Variants in TENM2 observed in about 807,000 individuals in gnomAD.
The protein encoded by TENM2 is teneurin-2.
A neutral mutation model predicts 245.2 loss-of-function variants in TENM2; 52 were observed. That is an observed-to-expected ratio of 0.21 (90% confidence interval 0.17 to 0.27). The LOEUF (loss-of-function observed/expected upper bound fraction) is 0.27, where lower values mean the gene tolerates loss of function less well. TENM2 is among the 10% of genes least tolerant of loss of function. TENM2 has a pLI of 1.00. For missense variants in TENM2, 3,046 were observed against 3,666.8 expected (o/e 0.83, Z 4.37); for synonymous variants, 1,363 against 1,438.9 (o/e 0.95, Z 1.19).
intron 2 of TENM2, chr5:167,755,165 C>T (rs746665399): frequency 2.7e-5 from 43 of 1,598,856 alleles, no homozygotes; most frequent in Non-Finnish European, 3.5e-5. Context: ...GAGTTTTCTC[C>T]ATGGGAAGGT....
At chr5:167,890,708 C>A (rs1036097648) in intron 3 of TENM2, among the ~76,000 whole-genome samples, 1 of 152,114 alleles carries the variant, frequency 6.6e-6, no homozygotes, top group Non-Finnish European at 1.5e-5. Flanking sequence ...TTAATTTATT[C>A]ATGTATGAGA....
intron 12 of TENM2, among the ~76,000 whole-genome samples, chr5:168,158,946 C>T: frequency 7.2e-6 from 1 of 139,250 alleles, no homozygotes; most frequent in East Asian, 2.1e-4. Context: ...TACGTATATA[C>T]ATATATATAT....
the TENM2 span, among the ~76,000 whole-genome samples, chr5:166,997,400 A>G: frequency 5.6e-4 from 86 of 152,298 alleles, no homozygotes; most frequent in African/African-American, 2.0e-3. Context: ...TATGGAATAG[A>G]ATTTCCTTAT....
chr5:167,251,548 C>T, the TENM2 span, among the ~76,000 whole-genome samples: 1 of 152,172 alleles, frequency 6.6e-6, no homozygotes, highest in Non-Finnish European at 1.5e-5. Context: ...CAAGCACAAG[C>T]TAAGGCATTC....
chr5:167,675,879 T>C (rs1323797537), intron 2 of TENM2, among the ~76,000 whole-genome samples: 1 of 152,088 alleles, frequency 6.6e-6, no homozygotes, highest in Non-Finnish European at 1.5e-5. Context: ...TAAATTTATC[T>C]TCCCTCCATT....
intron 2 of TENM2, among the ~76,000 whole-genome samples, chr5:167,822,828 G>A (rs1767645812): frequency 6.6e-6 from 1 of 152,186 alleles, no homozygotes; most frequent in African/African-American, 2.4e-5. Context: ...TTAACATTTA[G>A]CATCAGTACC....
chr5:168,189,570 C>G (rs151084226), intron 13 of TENM2, among the ~76,000 whole-genome samples: 2 of 152,128 alleles, frequency 1.3e-5, no homozygotes, highest in Non-Finnish European at 2.9e-5. Context: ...GAAACTACTG[C>G]GGAAACTGCA....
intron 25 of TENM2, among the ~76,000 whole-genome samples, chr5:168,233,087 G>A (rs1371576622): frequency 6.6e-6 from 1 of 152,180 alleles, no homozygotes; most frequent in Non-Finnish European, 1.5e-5. Flanking sequence ...CAGCACTTTG[G>A]GAGGCCGAGG....
intron 5 of TENM2, among the ~76,000 whole-genome samples, chr5:168,027,576 G>A (rs375745783): frequency 3.3e-5 from 5 of 152,172 alleles, no homozygotes; most frequent in African/African-American, 1.2e-4. Flanking sequence ...TCTGGGCCAT[G>A]TGAGTGCTCA....
chr5:168,236,641 T>A (rs964423929), intron 25 of TENM2, among the ~76,000 whole-genome samples: 3 of 152,068 alleles, frequency 2.0e-5, no homozygotes, highest in African/African-American at 7.2e-5. Flanking sequence ...AAAATGGTTT[T>A]TGTTGTTGGC....
chr5:167,952,871 C>A, intron 4 of TENM2, 49 bp downstream of exon 6: 1 of 1,475,106 alleles, frequency 6.8e-7, no homozygotes, highest in Non-Finnish European at 9.3e-7. Flanking sequence ...CACCTTACCC[C>A]TGAGTCACCA....
At chr5:167,251,308 G>A in the TENM2 span, among the ~76,000 whole-genome samples, 1 of 152,098 alleles carries the variant, frequency 6.6e-6, no homozygotes, top group East Asian at 1.9e-4. Context: ...TGGAGTGAGA[G>A]CACACAGAGC....
intron 2 of TENM2, among the ~76,000 whole-genome samples, chr5:167,796,393 GCT>G (rs1765320477): frequency 1.3e-5 from 2 of 152,256 alleles, no homozygotes; most frequent in South Asian, 2.1e-4. Context: ...GCACTGACTT[GCT>G]CTCTGTTTCT....
chr5:167,744,630 T>C (rs989056390), intron 2 of TENM2, among the ~76,000 whole-genome samples: 2 of 152,180 alleles, frequency 1.3e-5, no homozygotes, highest in African/African-American at 4.8e-5. Context: ...TGACATTTTA[T>C]ATCGTTCCTT....
At chr5:167,133,124 A>G in the TENM2 span, among the ~76,000 whole-genome samples, 3 of 152,328 alleles carry the variant, frequency 2.0e-5, no homozygotes, top group South Asian at 6.2e-4. Context: ...AGAGCAGTAA[A>G]GGGGGAAGAA....
At chr5:167,322,988 A>G (rs1456616124) in intron 1 of TENM2, among the ~76,000 whole-genome samples, 1 of 152,226 alleles carries the variant, frequency 6.6e-6, no homozygotes, top group Non-Finnish European at 1.5e-5. Context: ...ATGTAATATG[A>G]TATCACTTAA....
At chr5:168,137,567 C>T (rs1021368758) in intron 12 of TENM2, among the ~76,000 whole-genome samples, 9 of 152,214 alleles carry the variant, frequency 5.9e-5, no homozygotes, top group African/African-American at 1.4e-4. Flanking sequence ...AAACTCAAAA[C>T]GGTGGCTTCT....
At chr5:168,215,680 AG>A (rs1237534841) in intron 21 of TENM2, among the ~76,000 whole-genome samples, 4 of 152,340 alleles carry the variant, frequency 2.6e-5, no homozygotes, top group South Asian at 2.1e-4. Context: ...AAAAAGAAAA[AG>A]AAAACCTTAT....
At chr5:167,087,501 T>G in the TENM2 span, among the ~76,000 whole-genome samples, 1 of 152,166 alleles carries the variant, frequency 6.6e-6, no homozygotes, top group Non-Finnish European at 1.5e-5. Context: ...TTTTTTAACC[T>G]CCTACAATTA....
Sources: gnomAD v4.1 joint callset for allele counts (sites outside exome capture counted in the v4.1 genomes callset) on GRCh38, gnomAD v4.1.1 for gene constraint, MANE v1.5 for transcripts, NCBI Gene and HGNC (gene_info 2026-07-23, HGNC 2026-07-21) for gene names.